The following FOCAD variants were observed in gnomAD, a reference collection of about 807,000 sequenced individuals.
FOCAD encodes the protein focadhesin, also known as KIAA1797.
A neutral mutation model predicts 225.6 loss-of-function variants in FOCAD; 198 were observed. The observed-to-expected ratio is 0.88, with a 90% CI of 0.78 to 0.99. The LOEUF (loss-of-function observed/expected upper bound fraction) is 0.99. Ranked by LOEUF, FOCAD falls within the 50% of genes least tolerant of loss-of-function variation. The probability of loss-of-function intolerance (pLI) is 0.00; values close to 1 mark genes in which losing one functional copy is unlikely to be tolerated. For synonymous variants in FOCAD, 897 were observed against 755.0 expected (o/e 1.19, Z -3.08); for missense variants, 2,713 against 2,123.6 (o/e 1.28, Z -5.46).
intron 15 of FOCAD, among the ~76,000 whole-genome samples, chr9:20,828,549 C>T (rs1825149448): frequency 6.6e-6 from 1 of 152,006 alleles, no homozygotes. Context: ...ACATTTGCAC[C>T]AGCATTGTAA....
chr9:20,802,057 G>T (rs772591495), intron 11 of FOCAD, among the ~76,000 whole-genome samples: 6 of 152,140 alleles, frequency 3.9e-5, no homozygotes, highest in Non-Finnish European at 5.9e-5. Context: ...GCACTCAGCC[G>T]TTAATGTATT....
intron 9 of FOCAD, among the ~76,000 whole-genome samples, chr9:20,780,000 C>T (rs1258934949): frequency 6.6e-6 from 1 of 152,156 alleles, no homozygotes; most frequent in Non-Finnish European, 1.5e-5. Context: ...TATAGCAGTG[C>T]ACATGGGATC....
intron 15 of FOCAD, among the ~76,000 whole-genome samples, chr9:20,835,005 T>C (rs918930725): frequency 1.3e-5 from 2 of 152,126 alleles, no homozygotes; most frequent in Non-Finnish European, 2.9e-5. Context: ...TTTTCAGATG[T>C]AGTTACTAGA....
At chr9:20,946,088 C>T (rs201559674) in intron 29 of FOCAD, among the ~76,000 whole-genome samples, 4 of 28,030 alleles carry the variant, frequency 1.4e-4, no homozygotes, top group Non-Finnish European at 2.2e-4. Context: ...TTTATTCATT[C>T]ATTCATTCAT....
At position 20,819,821 on chromosome 9, in the gene FOCAD, T is replaced by C; in HGVS notation, c.1481T>C (p.Met494Thr). Residue 494 changes from methionine (M) to threonine (T), a missense_variant, in exon 12 of 44, where the codon ATG becomes ACG. Coordinates refer to ENST00000338382, the MANE Select transcript of FOCAD (RefSeq NM_001375567.1). ...SQVPNLIPVL[M>T]FKLGRPLEPI... is the part of the protein sequence containing the mutation. Reference sequence around the variant, plus strand: ...GTGCCAAATCTGATTCCAGTTTTGATGTTCAAATTGGGAAGACCACTGGAA... The same window carrying C: ...GTGCCAAATCTGATTCCAGTTTTGACGTTCAAATTGGGAAGACCACTGGAA... 2 of 1,537,102 alleles carry C rather than the reference T, an allele frequency of 1.3e-6. No homozygotes were observed. The highest frequency in any genetic ancestry group is 1.7e-6 in the Non-Finnish European group (2 of 1,144,628).
intron 1 of FOCAD, among the ~76,000 whole-genome samples, chr9:20,688,748 A>G (rs1563877750): frequency 1.3e-5 from 2 of 152,212 alleles, no homozygotes; most frequent in African/African-American, 4.8e-5. Flanking sequence ...ATAAGGAGGG[A>G]GAGAATCCAA....
In FOCAD at chr9:20,715,329, A is replaced by G; in HGVS notation, c.-25A>G. ...CTTTTGTTTTGGTTACAGAAGCTGCACACATACATGTAAGAGAAGCAAAAA... is the reference window on the plus strand; with the variant it reads ...CTTTTGTTTTGGTTACAGAAGCTGCGCACATACATGTAAGAGAAGCAAAAA... On this transcript the variant is annotated 5_prime_UTR_variant, in exon 2 of 44. Coordinates refer to ENST00000338382, the MANE Select transcript of FOCAD (RefSeq NM_001375567.1). The G allele has an allele frequency of 6.7e-7, 1 of 1,486,528 alleles. No individual in the cohort carries two copies. Among genetic ancestry groups the G allele is most frequent in the South Asian group, 1.5e-5 (1 of 67,496 alleles). 92.1% of individuals were successfully genotyped at this position (1,486,528 alleles called of 1,614,324 possible).
At chr9:20,807,779 G>T (rs983073744) in intron 11 of FOCAD, among the ~76,000 whole-genome samples, 1 of 152,160 alleles carries the variant, frequency 6.6e-6, no homozygotes, top group South Asian at 2.1e-4. Context: ...GCTGGGTGTG[G>T]TGGTTCACGC....
chr9:20,780,259 A>C (rs921718800), intron 9 of FOCAD, among the ~76,000 whole-genome samples: 1 of 152,152 alleles, frequency 6.6e-6, no homozygotes, highest in African/African-American at 2.4e-5. Flanking sequence ...TTGTCTCTGT[A>C]GATTTGCCTT....
At position 20,885,114 on chromosome 9, in the gene FOCAD, A is replaced by G. The variant is rs756176138; in HGVS notation, c.2509A>G (p.Met837Val). The G allele has an allele frequency of 3.9e-5, 56 of 1,448,820 alleles. 1 individual carries two copies. Among genetic ancestry groups the G allele is most frequent in the South Asian group, 1.7e-5 (1 of 59,908 alleles). The allele number at this position is 1,448,820 out of a possible 1,614,324, so 89.7% of individuals were successfully genotyped here. A position where few individuals can be genotyped will look rare whatever the true frequency, so the allele number is the denominator to read the frequency against. ...PGLKPGLAGGMLFCYDVSMYQ... is the reference protein window; with the variant it reads ...PGLKPGLAGGVLFCYDVSMYQ... ...CTATATAATTTTTTTTAAAGGTGGT[A>G]TGTTATTTTGCTATGATGTTTCCAT... The change falls in exon 21 of 44, where the codon ATG (methionine) becomes GTG (valine). Residue 837 changes from methionine to valine, a missense_variant. By Grantham distance (21) the Met-to-Val change is conservative. Coordinates refer to ENST00000338382, the MANE Select transcript of FOCAD (RefSeq NM_001375567.1).
intron 11 of FOCAD, among the ~76,000 whole-genome samples, chr9:20,815,331 G>A (rs372194578): frequency 6.1e-5 from 9 of 147,986 alleles, no homozygotes; most frequent in African/African-American, 2.2e-4. Context: ...TTTTAGTATA[G>A]GTGGGGTTTC....
In FOCAD at chr9:20,986,339, C is replaced by T. The variant is rs756376530; in HGVS notation, c.4780C>T (p.Arg1594Ter). Residue 1594 changes from arginine to a stop codon, truncating the protein, a stop_gained, in exon 40 of 44, where the codon CGA (arginine) becomes TGA (stop). Coordinates refer to ENST00000338382, the MANE Select transcript of FOCAD (RefSeq NM_001375567.1). LOFTEE classifies it high-confidence loss of function. ...CAAACTGTACTTAGTCTCTCAAGGA[C>T]GATTCCCCTTGGTGAACCTGACCGA... ...FVKLYLVSQG[R>*]FPLVNLTDML... The T allele has an allele frequency of 3.4e-6, 5 of 1,471,236 alleles. No individual in the cohort carries two copies. The highest frequency in any genetic ancestry group is 3.1e-5 in the African/African-American group (2 of 64,850). The allele number at this position is 1,471,236 out of a possible 1,614,324, so 91.1% of individuals were successfully genotyped here. A position where few individuals can be genotyped will look rare whatever the true frequency, so the allele number is the denominator to read the frequency against.
chr9:20,731,006 C>T (rs943530714), intron 4 of FOCAD, among the ~76,000 whole-genome samples: 7 of 152,074 alleles, frequency 4.6e-5, no homozygotes, highest in Admixed American at 2.6e-4. Flanking sequence ...GAGGCTGAGG[C>T]GGGCAGATCA....
intron 35 of FOCAD, among the ~76,000 whole-genome samples, chr9:20,962,219 T>A (rs1460546243): frequency 6.6e-6 from 1 of 152,176 alleles, no homozygotes; most frequent in Admixed American, 6.5e-5. Flanking sequence ...GCGTAATATA[T>A]GTGTCATCAT....
At chr9:20,673,331 T>G (rs542788285) in intron 2 of FOCAD, among the ~76,000 whole-genome samples, 4 of 152,332 alleles carry the variant, frequency 2.6e-5, no homozygotes, top group Admixed American at 1.3e-4. Flanking sequence ...GCTTAACACT[T>G]TGAGGAACTG....
intron 15 of FOCAD, among the ~76,000 whole-genome samples, chr9:20,838,923 TA>T (rs1462285051): frequency 6.6e-6 from 1 of 152,150 alleles, no homozygotes; most frequent in African/African-American, 2.4e-5. Flanking sequence ...TAAGCTTTAC[TA>T]ATATTTAACG....
intron 11 of FOCAD, among the ~76,000 whole-genome samples, chr9:20,795,899 G>C (rs1821036216): frequency 6.6e-6 from 1 of 150,782 alleles, no homozygotes; most frequent in Non-Finnish European, 1.5e-5. Flanking sequence ...GTGCCATATT[G>C]GTGTGCTGTC....
intron 11 of FOCAD, among the ~76,000 whole-genome samples, chr9:20,793,357 C>T (rs541690578): frequency 6.6e-6 from 1 of 152,176 alleles, no homozygotes. Context: ...AAAAAGCTTT[C>T]AGCTGGCATT....
chr9:20,748,341 T>C (rs995927937), intron 5 of FOCAD, among the ~76,000 whole-genome samples: 1 of 151,950 alleles, frequency 6.6e-6, no homozygotes, highest in Non-Finnish European at 1.5e-5. Context: ...AAAGCAGGAG[T>C]TCTAAGGAGA....
Sources: allele counts gnomAD v4.1 joint callset (sites outside exome capture counted in the v4.1 genomes callset), GRCh38; gene constraint gnomAD v4.1.1; transcripts MANE v1.5; gene names NCBI Gene and HGNC (gene_info 2026-07-23, HGNC 2026-07-21).